PDE1C: variants seen among roughly 807,000 people sequenced by gnomAD.
PDE1C encodes the protein dual specificity calcium/calmodulin-dependent 3',5'-cyclic nucleotide phosphodiesterase 1C.
In PDE1C, 62 loss-of-function variants were observed where a neutral mutation model predicts 93.1. That is an observed-to-expected ratio of 0.67 (90% CI 0.54 to 0.82). PDE1C has a LOEUF of 0.82. Among genes scored for constraint, PDE1C ranks in the 40% least tolerant of loss-of-function variants. The probability of loss-of-function intolerance (pLI) is 0.00; values close to 1 mark genes in which losing one functional copy is unlikely to be tolerated. For synonymous variants in PDE1C, 325 were observed against 310.1 expected (o/e 1.05, Z -0.50); for missense variants, 742 against 884.6 (o/e 0.84, Z 2.04).
At chr7:31,723,727 G>C in the PDE1C span, among the ~76,000 whole-genome samples, 1 of 152,156 alleles carries the variant, frequency 6.6e-6, no homozygotes, top group South Asian at 2.1e-4. Flanking sequence ...TGGTTATAAA[G>C]TAAGAAATTA....
intron 1 of PDE1C, among the ~76,000 whole-genome samples, chr7:32,416,615 T>C (rs1404095927): frequency 1.3e-5 from 2 of 152,094 alleles, no homozygotes; most frequent in African/African-American, 4.8e-5. Context: ...TTCCTGATTC[T>C]CATTCAGTCC....
At chr7:32,300,184 G>C (rs1004348344), upstream of PDE1C, among the ~76,000 whole-genome samples, 3 of 152,136 alleles carry the variant, frequency 2.0e-5, no homozygotes, top group African/African-American at 7.2e-5. Context: ...CTGGAACCCA[G>C]GTTAATGCAT....
chr7:31,680,696 G>A, the PDE1C span, among the ~76,000 whole-genome samples: 1 of 135,350 alleles, frequency 7.4e-6, no homozygotes, highest in Admixed American at 7.7e-5. Context: ...GGCCCCTTTG[G>A]TCACAGTGAC....
At chr7:31,764,947 A>C (rs1238472723) in intron 17 of PDE1C, among the ~76,000 whole-genome samples, 1 of 152,214 alleles carries the variant, frequency 6.6e-6, no homozygotes, top group African/African-American at 2.4e-5. Context: ...TACAGATCCG[A>C]ATATTTCTCT....
At chr7:31,720,169 CAAAAAAAAAAAAAAAAAAAAAAAA>C in the PDE1C span, among the ~76,000 whole-genome samples, 6 of 50,130 alleles carry the variant, frequency 1.2e-4, no homozygotes, top group Admixed American at 9.0e-4. Context: ...GACTCCGTCT[CAAAAAAAAAAAAAAAAAAAAAAAA>C]AAAAAGAAGT....
At chr7:32,187,327 T>C (rs973772697) in intron 2 of PDE1C, among the ~76,000 whole-genome samples, 1 of 152,060 alleles carries the variant, frequency 6.6e-6, no homozygotes, top group African/African-American at 2.4e-5. Flanking sequence ...TTATATATTC[T>C]TATATTATGT....
At chr7:31,887,158 C>G (rs1192757351) in intron 2 of PDE1C, among the ~76,000 whole-genome samples, 4 of 152,090 alleles carry the variant, frequency 2.6e-5, no homozygotes, top group African/African-American at 9.7e-5. Flanking sequence ...TACTCTCTCT[C>G]ACATGATGGA....
At chr7:31,962,590 T>C (rs568069413) in intron 2 of PDE1C, among the ~76,000 whole-genome samples, 4 of 152,312 alleles carry the variant, frequency 2.6e-5, no homozygotes, top group African/African-American at 9.6e-5. Flanking sequence ...TAAAGTGCTC[T>C]GGCCTGAAAA....
At chr7:32,412,413 A>G (rs959645766) in intron 1 of PDE1C, among the ~76,000 whole-genome samples, 3 of 150,732 alleles carry the variant, frequency 2.0e-5, no homozygotes, top group Non-Finnish European at 4.4e-5. Flanking sequence ...CGGAGATCAC[A>G]CCACTGCACT....
chr7:32,324,902 T>C (rs1272216583), intron 1 of PDE1C, among the ~76,000 whole-genome samples: 1 of 152,144 alleles, frequency 6.6e-6, no homozygotes, highest in African/African-American at 2.4e-5. Flanking sequence ...TGAGCTGTGA[T>C]CCTACCACTG....
At chr7:32,214,176 CAT>C (rs1806255091) in intron 1 of PDE1C, among the ~76,000 whole-genome samples, 1 of 151,826 alleles carries the variant, frequency 6.6e-6, no homozygotes, top group African/African-American at 2.4e-5. Flanking sequence ...TACACGGACA[CAT>C]ATATACATTT....
intron 2 of PDE1C, among the ~76,000 whole-genome samples, chr7:31,914,550 C>T (rs1801643815): frequency 6.6e-6 from 1 of 152,204 alleles, no homozygotes. Context: ...AGTCAACTCA[C>T]TCTAAGTGTT....
chr7:32,002,492 C>G (rs1416414517), intron 2 of PDE1C, among the ~76,000 whole-genome samples: 1 of 152,176 alleles, frequency 6.6e-6, no homozygotes, highest in African/African-American at 2.4e-5. Context: ...ATCCAGGTAC[C>G]TGTGATCCAC....
At chr7:32,286,449 C>T (rs1255920843) in intron 1 of PDE1C, among the ~76,000 whole-genome samples, 1 of 152,170 alleles carries the variant, frequency 6.6e-6, no homozygotes, top group African/African-American at 2.4e-5. Flanking sequence ...ATACAGCAAA[C>T]ACTCAACTAC....
intron 1 of PDE1C, among the ~76,000 whole-genome samples, chr7:32,330,132 AC>A (rs1319530608): frequency 6.6e-6 from 1 of 152,208 alleles, no homozygotes; most frequent in African/African-American, 2.4e-5. Context: ...CACATATGGC[AC>A]CCCCAGTCTG....
At chr7:31,694,889 T>C in the PDE1C span, among the ~76,000 whole-genome samples, 1 of 152,058 alleles carries the variant, frequency 6.6e-6, no homozygotes, top group East Asian at 1.9e-4. Context: ...CAGAAGACAG[T>C]AGGATCTTGA....
chr7:31,878,339 G>A (rs1185615551), intron 4 of PDE1C, among the ~76,000 whole-genome samples: 1 of 152,108 alleles, frequency 6.6e-6, no homozygotes, highest in South Asian at 2.1e-4. Flanking sequence ...TTATAGTACA[G>A]AATAGACAGT....
chr7:31,883,871 T>C (rs1437934973), intron 2 of PDE1C, among the ~76,000 whole-genome samples: 2 of 152,236 alleles, frequency 1.3e-5, no homozygotes, highest in Non-Finnish European at 2.9e-5. Flanking sequence ...TTCTCCCTGA[T>C]GTAGTCACCA....
chr7:32,388,572 A>G (rs568404495), intron 1 of PDE1C, among the ~76,000 whole-genome samples: 1 of 151,212 alleles, frequency 6.6e-6, no homozygotes, highest in South Asian at 2.1e-4. Flanking sequence ...CCCAGATGCT[A>G]GAAAGGATGA....
Sources: gnomAD v4.1 joint callset for allele counts (sites outside exome capture counted in the v4.1 genomes callset) on GRCh38, gnomAD v4.1.1 for gene constraint, MANE v1.5 for transcripts, NCBI Gene and HGNC (gene_info 2026-07-23, HGNC 2026-07-21) for gene names.